The following ERBB4 variants were observed in gnomAD, a reference collection of about 807,000 sequenced individuals.
ERBB4 encodes the protein erb-b2 receptor tyrosine kinase 4.
ERBB4 carries 42 observed loss-of-function variants against 158.0 expected under a neutral mutation model. The ratio of observed to expected loss-of-function variants is 0.27; its 90% CI spans 0.21 to 0.34. The LOEUF (loss-of-function observed/expected upper bound fraction) is 0.34, where lower values mean the gene tolerates loss of function less well. Ranked by LOEUF, ERBB4 falls within the 10% of genes least tolerant of loss-of-function variation. ERBB4 has a pLI of 1.00. For missense variants in ERBB4, 1,333 were observed against 1,624.1 expected (o/e 0.82, Z 3.08); for synonymous variants, 583 against 558.7 (o/e 1.04, Z -0.61).
intron 3 of ERBB4, among the ~76,000 whole-genome samples, chr2:211,827,832 T>G (rs2077136748): frequency 6.6e-6 from 1 of 152,122 alleles, no homozygotes; most frequent in African/African-American, 2.4e-5. Context: ...TATTTTATTT[T>G]TATTATATAC....
intron 12 of ERBB4, among the ~76,000 whole-genome samples, chr2:211,693,223 A>T (rs1161130336): frequency 2.6e-5 from 4 of 152,176 alleles, no homozygotes; most frequent in African/African-American, 4.8e-5. Flanking sequence ...CTCAGAAGAG[A>T]TATGTGTCAA....
chr2:211,552,125 T>C (rs62180215), intron 20 of ERBB4, among the ~76,000 whole-genome samples: 48,180 of 151,908 alleles, frequency 0.32, 10,051 homozygotes, highest in African/African-American at 0.6. Flanking sequence ...TACCTGTCCC[T>C]GGGCCACAAA....
intron 1 of ERBB4, among the ~76,000 whole-genome samples, chr2:212,467,846 C>T (rs13430619): frequency 0.35 from 52,584 of 152,036 alleles, 9,652 homozygotes; most frequent in Non-Finnish European, 0.4. Context: ...GCTCAACACC[C>T]GCCCATGAAA....
intron 12 of ERBB4, among the ~76,000 whole-genome samples, chr2:211,679,820 C>T (rs1471159388): frequency 2.0e-5 from 3 of 152,084 alleles, no homozygotes; most frequent in Admixed American, 6.5e-5. Context: ...GCTGGGATTA[C>T]AGGCTCACAC....
At chr2:211,515,712 G>A (rs1252835418) in intron 20 of ERBB4, among the ~76,000 whole-genome samples, 1 of 150,542 alleles carries the variant, frequency 6.6e-6, no homozygotes, top group African/African-American at 2.4e-5. Context: ...AGAACAATCA[G>A]ATAGATGCTG....
At chr2:211,554,269 A>C (rs910192314) in intron 20 of ERBB4, among the ~76,000 whole-genome samples, 1 of 152,198 alleles carries the variant, frequency 6.6e-6, no homozygotes. Context: ...TTTTGGACTT[A>C]ACTTCCCATT....
At chr2:211,917,623 T>TAA (rs1320752952) in intron 3 of ERBB4, among the ~76,000 whole-genome samples, 1 of 152,160 alleles carries the variant, frequency 6.6e-6, no homozygotes, top group African/African-American at 2.4e-5. Flanking sequence ...ATAACTCTAT[T>TAA]AATTATCTAT....
In ERBB4 at chr2:211,841,533, G is replaced by T. The variant is rs13024750; in HGVS notation, c.422-53374C>A. Among the ~76,000 whole-genome samples the T allele has an allele frequency of 3.3e-3, 502 of 151,798 alleles. 1 individual carries two copies. The highest frequency in any genetic ancestry group is 0.011 in the African/African-American group (469 of 41,444). ...TGGAGAAAATAAAATGTGGCATTAAGGTAAGGTATAGTATAAGGATTATAT... is the reference window on the plus strand; with the variant it reads ...TGGAGAAAATAAAATGTGGCATTAATGTAAGGTATAGTATAAGGATTATAT... On this transcript the variant is annotated intron_variant, in intron 3 of 27. Coordinates refer to ENST00000342788, the MANE Select transcript of ERBB4 (RefSeq NM_005235.3).
At chr2:211,765,274 AT>A (rs2075524322) in intron 4 of ERBB4, among the ~76,000 whole-genome samples, 1 of 152,192 alleles carries the variant, frequency 6.6e-6, no homozygotes, top group African/African-American at 2.4e-5. Flanking sequence ...CAGAGGCATC[AT>A]CATGCTTTTT....
At chr2:212,226,521 A>G (rs1521644) in intron 1 of ERBB4, among the ~76,000 whole-genome samples, 77,285 of 151,800 alleles carry the variant, frequency 0.51, 20,266 homozygotes, top group East Asian at 0.76. Context: ...TCTAGGAAAG[A>G]AACCATAATT....
chr2:211,869,577 G>A (rs983383922), intron 3 of ERBB4, among the ~76,000 whole-genome samples: 11 of 152,002 alleles, frequency 7.2e-5, no homozygotes, highest in East Asian at 3.9e-4. Context: ...TAGTAACCCC[G>A]GTACCTAGCC....
chr2:211,945,857 G>C (rs1425201519), intron 3 of ERBB4, among the ~76,000 whole-genome samples: 1 of 151,966 alleles, frequency 6.6e-6, no homozygotes, highest in Non-Finnish European at 1.5e-5. Flanking sequence ...CAAGATTCCA[G>C]TATTATACAA....
intron 4 of ERBB4, among the ~76,000 whole-genome samples, chr2:211,775,196 G>T (rs1403573424): frequency 6.6e-6 from 1 of 152,182 alleles, no homozygotes; most frequent in Non-Finnish European, 1.5e-5. Context: ...CAGTAGGGTT[G>T]TCACTGCTAG....
At chr2:211,558,871 G>T (rs1055432692) in intron 20 of ERBB4, among the ~76,000 whole-genome samples, 1 of 152,098 alleles carries the variant, frequency 6.6e-6, no homozygotes, top group Non-Finnish European at 1.5e-5. Context: ...CTACATGTAA[G>T]ATCCAATTTT....
At chr2:212,068,444 A>G (rs1366354538) in intron 2 of ERBB4, among the ~76,000 whole-genome samples, 2 of 152,070 alleles carry the variant, frequency 1.3e-5, no homozygotes, top group Non-Finnish European at 2.9e-5. Context: ...CACTAAACCT[A>G]AACTAATTTG....
At chr2:212,463,501 GT>G (rs2106081897) in intron 1 of ERBB4, among the ~76,000 whole-genome samples, 1 of 151,776 alleles carries the variant, frequency 6.6e-6, no homozygotes, top group African/African-American at 2.4e-5. Flanking sequence ...TTATTGACAT[GT>G]TTTTCTGATT....
At chr2:212,419,145 T>C (rs1057108337) in intron 1 of ERBB4, among the ~76,000 whole-genome samples, 4 of 151,640 alleles carry the variant, frequency 2.6e-5, no homozygotes, top group African/African-American at 9.7e-5. Flanking sequence ...ACATTCAAAA[T>C]TCACTCTGTT....
rs773842900 is a variant in ERBB4 at position 212,124,910 on chromosome 2, A to T, written c.83-7T>A. 6.2e-7 allele frequency: 1 copy of T among 1,614,060 alleles called. No individual in the cohort carries two copies. The highest frequency in any genetic ancestry group is 1.3e-5 in the African/African-American group (1 of 74,944). On this transcript the variant is annotated splice_region_variant and splice_polypyrimidine_tract_variant and intron_variant, in intron 1 of 27. Coordinates refer to ENST00000342788, the MANE Select transcript of ERBB4 (RefSeq NM_005235.3). ...TTCTCCGTTCCTGCACACACTGCAA[A>T]GACAAGAAGATACACGTGAAATTAC...
intron 25 of ERBB4, among the ~76,000 whole-genome samples, chr2:211,389,929 C>A (rs925259307): frequency 1.4e-4 from 21 of 152,056 alleles, no homozygotes; most frequent in African/African-American, 5.1e-4. Flanking sequence ...ATCAGGATGC[C>A]AAAGCTACTC....
Sources: allele counts gnomAD v4.1 joint callset (sites outside exome capture counted in the v4.1 genomes callset), GRCh38; gene constraint gnomAD v4.1.1; transcripts MANE v1.5; gene names NCBI Gene and HGNC (gene_info 2026-07-23, HGNC 2026-07-21).